The following CGGBP1 variants were observed in gnomAD, a reference collection of about 807,000 sequenced individuals.
The protein encoded by CGGBP1 is CGG triplet repeat binding protein 1.
In CGGBP1, 4 loss-of-function variants were observed where a neutral mutation model predicts 11.4. That is an observed-to-expected ratio of 0.35 (90% CI 0.17 to 0.80). The LOEUF (loss-of-function observed/expected upper bound fraction) is 0.80, where lower values mean the gene tolerates loss of function less well. CGGBP1 is among the 30% of genes least tolerant of loss of function. The pLI, the probability that CGGBP1 is intolerant of heterozygous loss-of-function variation, is 0.52. For missense variants in CGGBP1, 135 were observed against 202.1 expected, an observed-to-expected ratio of 0.67 and a Z score of 2.01; for synonymous variants, 76 against 74.1, an observed-to-expected ratio of 1.03 and a Z score of -0.13.
chr3:88,070,523 AC>A (rs1283496902), intron 2 of CGGBP1, among the ~76,000 whole-genome samples: 6 of 151,034 alleles, frequency 4.0e-5, no homozygotes, highest in African/African-American at 1.5e-4. Context: ...AAAGTTATGA[AC>A]CTTTGCTATA....
chr3:88,052,269 A>G lies in CGGBP1; in HGVS notation c.*3204T>C, dbSNP rs1312387694. 1 of 152,662 alleles carries G rather than the reference A, an allele frequency of 6.6e-6. No homozygotes were observed. Among genetic ancestry groups the G allele is most frequent in the Non-Finnish European group, 1.5e-5 (1 of 68,036 alleles). 9.5% of individuals were successfully genotyped at this position (152,662 alleles called of 1,614,324 possible). A position where few individuals can be genotyped will look rare whatever the true frequency, so the allele number is the denominator to read the frequency against. ...TAGCCACTTCACTATTCACATTTTAATCAGTGCTGACCAGAAGCTAAAGCA... is the reference window on the plus strand; with the variant it reads ...TAGCCACTTCACTATTCACATTTTAGTCAGTGCTGACCAGAAGCTAAAGCA... On this transcript the variant is annotated 3_prime_UTR_variant, in exon 4 of 4. Coordinates refer to ENST00000482016, the MANE Select transcript of CGGBP1 (RefSeq NM_001008390.2).
chr3:88,086,547 G>T (rs970000143), intron 2 of CGGBP1: 4 of 729,922 alleles, frequency 5.5e-6, no homozygotes, highest in South Asian at 3.3e-5. Context: ...AAGTATTCAG[G>T]TTTAATTTTG....
At chr3:88,143,392 T>A (rs1178692678) in intron 1 of CGGBP1, 1 of 152,266 alleles carries the variant, frequency 6.6e-6, no homozygotes, top group African/African-American at 2.4e-5. Flanking sequence ...TAAAATCTTT[T>A]CTTTAAGGTC....
At chr3:88,059,492 G>A (rs534572711), upstream of CGGBP1, 7 of 1,496,924 alleles carry the variant, frequency 4.7e-6, no homozygotes, top group African/African-American at 8.4e-5. Flanking sequence ...GATTACTGCC[G>A]ACGCTTCTGT....
chr3:88,140,084 C>T, intron 2 of CGGBP1: 1 of 1,613,816 alleles, frequency 6.2e-7, no homozygotes, highest in South Asian at 1.1e-5. Flanking sequence ...TTATAGACCA[C>T]CTTAATAGAC....
intron 2 of CGGBP1, chr3:88,095,857 T>G (rs540094281): frequency 9.9e-5 from 45 of 456,518 alleles, no homozygotes; most frequent in East Asian, 7.4e-4. Context: ...CCTTTCCACT[T>G]CAGCAGATAC....
At chr3:88,059,605 C>T, upstream of CGGBP1, 1 of 1,399,496 alleles carries the variant, frequency 7.1e-7, no homozygotes, top group South Asian at 1.5e-5. Context: ...GTCCAGTGCC[C>T]GCTCCTCCCC....
intron 1 of CGGBP1, chr3:88,142,534 T>A (rs1040725131): frequency 1.2e-4 from 19 of 152,296 alleles, no homozygotes; most frequent in African/African-American, 4.6e-4. Flanking sequence ...CTGGGATACT[T>A]CTGTTTGTGT....
chr3:88,122,802 G>T (rs112390903), intron 2 of CGGBP1, among the ~76,000 whole-genome samples: 2,010 of 152,136 alleles, frequency 0.013, 36 homozygotes, highest in African/African-American at 0.045. Context: ...CTGAGGTGAG[G>T]AGTTCGATAC....
At chr3:88,125,252 C>A (rs1706030051) in intron 2 of CGGBP1, among the ~76,000 whole-genome samples, 1 of 151,172 alleles carries the variant, frequency 6.6e-6, no homozygotes, top group Non-Finnish European at 1.5e-5. Flanking sequence ...AAACCAATAT[C>A]TAATAAAGTA....
chr3:88,145,665 G>T (rs567625579), intron 1 of CGGBP1, among the ~76,000 whole-genome samples: 1 of 152,050 alleles, frequency 6.6e-6, no homozygotes, highest in Non-Finnish European at 1.5e-5. Flanking sequence ...GATAAAACAG[G>T]GACAGATGTT....
intron 2 of CGGBP1, among the ~76,000 whole-genome samples, chr3:88,123,817 T>G (rs1243768651): frequency 2.6e-5 from 4 of 152,180 alleles, no homozygotes; most frequent in African/African-American, 9.7e-5. Flanking sequence ...TTATTTCTCA[T>G]GCTTTGATTG....
intron 2 of CGGBP1, among the ~76,000 whole-genome samples, chr3:88,085,619 C>A (rs941870474): frequency 1.2e-4 from 19 of 152,080 alleles, no homozygotes; most frequent in African/African-American, 4.6e-4. Flanking sequence ...TAAATTACCC[C>A]AATTTGGCTT....
intron 2 of CGGBP1, among the ~76,000 whole-genome samples, chr3:88,121,674 C>T (rs1267711000): frequency 2.0e-5 from 3 of 152,080 alleles, no homozygotes; most frequent in Non-Finnish European, 4.4e-5. Context: ...ATGAGATAAC[C>T]AATCAATGTG....
At chr3:88,058,357 C>T (rs1345856542) in intron 1 of CGGBP1, 134 bp from the exon 2 acceptor site, 3 of 152,250 alleles carry the variant, frequency 2.0e-5, no homozygotes, top group Non-Finnish European at 4.4e-5. Flanking sequence ...ACTACAAACC[C>T]GATCCCAACG....
In CGGBP1 at chr3:88,053,025, A is replaced by C. The variant is rs1241543141; in HGVS notation, c.*2448T>G. On this transcript the variant is annotated 3_prime_UTR_variant, in exon 4 of 4. Coordinates refer to ENST00000482016, the MANE Select transcript of CGGBP1 (RefSeq NM_001008390.2). ...TACAAATCTTATGTTTATGCATACAACTTATAAAATAGAAAAAAGCTGCTA... is the reference window on the plus strand; with the variant it reads ...TACAAATCTTATGTTTATGCATACACCTTATAAAATAGAAAAAAGCTGCTA... 3 of 152,622 alleles carry C rather than the reference A, an allele frequency of 2.0e-5. No individual in the cohort carries two copies. The highest frequency in any genetic ancestry group is 4.8e-5 in the African/African-American group (2 of 41,452). The allele number at this position is 152,622 out of a possible 1,614,324, so 9.5% of individuals were successfully genotyped here.
intron 2 of CGGBP1, among the ~76,000 whole-genome samples, chr3:88,100,742 T>C (rs1221715823): frequency 6.6e-6 from 1 of 151,234 alleles, no homozygotes; most frequent in African/African-American, 2.4e-5. Flanking sequence ...TTCTCACTCA[T>C]AGGTGGGAAT....
intron 2 of CGGBP1, among the ~76,000 whole-genome samples, chr3:88,123,191 A>G (rs1201145848): frequency 6.6e-6 from 1 of 152,096 alleles, no homozygotes; most frequent in Admixed American, 6.5e-5. Context: ...GCCAAAAAAT[A>G]CTTGTAAGCT....
chr3:88,124,026 C>G (rs1214399348), intron 2 of CGGBP1, among the ~76,000 whole-genome samples: 1 of 152,116 alleles, frequency 6.6e-6, no homozygotes, highest in Non-Finnish European at 1.5e-5. Context: ...ATATTTACCC[C>G]ATATTTAATG....
Sources: allele counts gnomAD v4.1 joint callset (sites outside exome capture counted in the v4.1 genomes callset), GRCh38; gene constraint gnomAD v4.1.1; transcripts MANE v1.5; gene names NCBI Gene and HGNC (gene_info 2026-07-23, HGNC 2026-07-21).